Variants in GRID1 observed in about 807,000 individuals in gnomAD.
GRID1 encodes glutamate ionotropic receptor delta type subunit 1, also known as glutamate receptor ionotropic, delta-1.
In GRID1, 28 loss-of-function variants were observed where a neutral mutation model predicts 98.0. The ratio of observed to expected loss-of-function variants is 0.29; its 90% CI spans 0.21 to 0.39. GRID1 has a LOEUF of 0.39. Among genes scored for constraint, GRID1 ranks in the 10% least tolerant of loss-of-function variants. The probability of loss-of-function intolerance (pLI) is 1.00; values close to 1 mark genes in which losing one functional copy is unlikely to be tolerated. For missense variants in GRID1, 1,111 were observed against 1,340.5 expected (o/e 0.83, Z 2.67); for synonymous variants, 553 against 538.5 (o/e 1.03, Z -0.37).
At chr10:85,683,021 A>G (rs771054387) in intron 12 of GRID1, among the ~76,000 whole-genome samples, 9 of 152,184 alleles carry the variant, frequency 5.9e-5, no homozygotes, top group Non-Finnish European at 1.3e-4. Context: ...TTGTTTTTCA[A>G]TCAGTACTTA....
intron 4 of GRID1, among the ~76,000 whole-genome samples, chr10:86,094,150 T>C (rs1174188834): frequency 6.6e-6 from 1 of 152,194 alleles, no homozygotes; most frequent in Non-Finnish European, 1.5e-5. Flanking sequence ...CCAGCATCGC[T>C]TTATGATTGA....
At chr10:85,634,668 G>C (rs1225810273) in intron 13 of GRID1, among the ~76,000 whole-genome samples, 1 of 152,080 alleles carries the variant, frequency 6.6e-6, no homozygotes, top group Non-Finnish European at 1.5e-5. Context: ...ATTTCTTTGT[G>C]AATGTTATTT....
intron 2 of GRID1, among the ~76,000 whole-genome samples, chr10:86,316,535 C>T (rs1245260380): frequency 5.9e-5 from 9 of 152,364 alleles, no homozygotes; most frequent in Middle Eastern, 6.8e-3. Flanking sequence ...TCAAAGCTGC[C>T]CCAGCCTAGG....
chr10:86,133,623 T>TAC (rs1423991522), intron 4 of GRID1, among the ~76,000 whole-genome samples: 1 of 152,144 alleles, frequency 6.6e-6, no homozygotes, highest in Non-Finnish European at 1.5e-5. Context: ...GCAACCAAAG[T>TAC]ACACACACAC....
Position 85,916,996 on chromosome 10 carries a change from A to C in GRID1, c.727-757T>G, listed in dbSNP as rs752186867. On this transcript the variant is annotated intron_variant, in intron 4 of 15. Coordinates refer to ENST00000327946, the MANE Select transcript of GRID1 (RefSeq NM_017551.3). The surrounding 1 kb of genome is among the most constrained non-coding windows in gnomAD (Gnocchi z 4.0). ...ACCAGCACACAGCAGGTATTCAGCA[A>C]ACATTGTTGATTATGCAAATGAAGT... Among the ~76,000 whole-genome samples the C allele has an allele frequency of 1.3e-5, 2 of 152,232 alleles. No individual in the cohort carries two copies. Among genetic ancestry groups the C allele is most frequent in the African/African-American group, 2.4e-5 (1 of 41,462 alleles).
At position 85,601,954 on chromosome 10, in the gene GRID1, C is replaced by A. The variant is rs1248374076; in HGVS notation, c.*319G>T. 7.6e-6 allele frequency: 2 copies of A among 261,556 alleles called. No individual in the cohort carries two copies. The highest frequency in any genetic ancestry group is 1.4e-5 in the Non-Finnish European group (2 of 138,118). The allele number at this position is 261,556 out of a possible 1,614,324, so 16.2% of individuals were successfully genotyped here. A position where few individuals can be genotyped will look rare whatever the true frequency, so the allele number is the denominator to read the frequency against. On this transcript the variant is annotated 3_prime_UTR_variant, in exon 16 of 16. Coordinates refer to ENST00000327946, the MANE Select transcript of GRID1 (RefSeq NM_017551.3). ...GTCGCCCCTCCTGCCCTCAGAAAGG[C>A]CCAGGAATGGGGGGGCTCCTTTGGC...
chr10:85,849,219 G>A (rs888007340), intron 8 of GRID1, among the ~76,000 whole-genome samples: 2 of 152,218 alleles, frequency 1.3e-5, no homozygotes, highest in African/African-American at 2.4e-5. Context: ...GCACGAGGAT[G>A]TTAATGATGC....
At chr10:85,900,468 T>A (rs1456309682) in intron 5 of GRID1, among the ~76,000 whole-genome samples, 2 of 152,220 alleles carry the variant, frequency 1.3e-5, no homozygotes, top group Non-Finnish European at 2.9e-5. Context: ...TTGCTGCATA[T>A]GGTAATTAAA....
At chr10:86,160,825 G>A (rs183835709) in intron 3 of GRID1, among the ~76,000 whole-genome samples, 41 of 152,316 alleles carry the variant, frequency 2.7e-4, no homozygotes, top group African/African-American at 7.2e-4. Flanking sequence ...GGGTATAAGC[G>A]GTAAAGCAGG....
At chr10:85,938,294 C>T (rs1268702716) in intron 4 of GRID1, among the ~76,000 whole-genome samples, 1 of 152,198 alleles carries the variant, frequency 6.6e-6, no homozygotes, top group Non-Finnish European at 1.5e-5. Flanking sequence ...CACAGCCATT[C>T]CTCCCTAGTG....
chr10:85,876,057 T>A (rs185598959), intron 5 of GRID1, among the ~76,000 whole-genome samples: 6 of 152,352 alleles, frequency 3.9e-5, no homozygotes, highest in Non-Finnish European at 8.8e-5. Context: ...CGACTACTAT[T>A]TTCTCTTAGA....
rs935527274 is a variant in GRID1, at chr10:86,206,826, GACA to G, written c.236-181_236-179del. On this transcript the variant is annotated intron_variant, in intron 2 of 15. Coordinates refer to ENST00000327946, the MANE Select transcript of GRID1 (RefSeq NM_017551.3). The surrounding 1 kb of genome is among the most constrained non-coding windows in gnomAD (Gnocchi z 4.1). ...TGGCTCTCATAAGCACAGCCTCACT[GACA>G]TCCTTGGTGAAAATGCCAGCTATAC... is the stretch of plus-strand genomic sequence containing the variant. Among the ~76,000 whole-genome samples the G allele has an allele frequency of 6.6e-6, 1 of 152,194 alleles. No homozygotes were observed. The highest frequency in any genetic ancestry group is 6.5e-5 in the Admixed American group (1 of 15,288).
At chr10:85,787,386 C>T (rs1462176381) in intron 8 of GRID1, among the ~76,000 whole-genome samples, 2 of 152,160 alleles carry the variant, frequency 1.3e-5, no homozygotes, top group Non-Finnish European at 2.9e-5. Context: ...GGACCCAGTT[C>T]ATAAGAGGTC....
chr10:86,116,625 C>A (rs1296191180), intron 4 of GRID1, among the ~76,000 whole-genome samples: 2 of 152,122 alleles, frequency 1.3e-5, no homozygotes, highest in Non-Finnish European at 2.9e-5. Flanking sequence ...AGCCCTAGAT[C>A]TGACACACAA....
intron 3 of GRID1, among the ~76,000 whole-genome samples, chr10:86,184,592 C>T (rs1235100027): frequency 6.6e-6 from 1 of 151,218 alleles, no homozygotes; most frequent in Non-Finnish European, 1.5e-5. Flanking sequence ...AAGTGGGGGT[C>T]CATTTTTGGA....
At chr10:86,213,596 C>A (rs1846135261) in intron 2 of GRID1, among the ~76,000 whole-genome samples, 1 of 152,102 alleles carries the variant, frequency 6.6e-6, no homozygotes, top group Non-Finnish European at 1.5e-5. Context: ...TTTCCCACAC[C>A]CAGATCCATC....
intron 4 of GRID1, among the ~76,000 whole-genome samples, chr10:86,041,937 A>C (rs544366493): frequency 6.6e-6 from 1 of 152,168 alleles, no homozygotes; most frequent in Non-Finnish European, 1.5e-5. Context: ...CAGGCCTCCC[A>C]CCTGGGTAGG....
chr10:85,613,726 A>G, intron 14 of GRID1, 79 bp from the exon 15 acceptor site: 1 of 1,522,136 alleles, frequency 6.6e-7, no homozygotes, highest in Non-Finnish European at 8.9e-7. Flanking sequence ...CTGCCCCACC[A>G]TGCTGGCCCC....
intron 5 of GRID1, among the ~76,000 whole-genome samples, chr10:85,910,171 A>C (rs17105956): frequency 0.14 from 21,904 of 152,208 alleles, 1,591 homozygotes; most frequent in Middle Eastern, 0.22. Context: ...ACTAAATTAA[A>C]TTTGAAGATG....
Sources: gnomAD v4.1 joint callset for allele counts (sites outside exome capture counted in the v4.1 genomes callset) on GRCh38, gnomAD v4.1.1 for gene constraint, Gnocchi (gnomAD v3.1) non-coding constraint, MANE v1.5 for transcripts, NCBI Gene and HGNC (gene_info 2026-07-23, HGNC 2026-07-21) for gene names.